SASH1: variants seen among roughly 807,000 people sequenced by gnomAD.
SASH1 encodes the protein SAM and SH3 domain-containing protein 1.
In SASH1, 44 loss-of-function variants were observed where a neutral mutation model predicts 125.2. The observed-to-expected ratio is 0.35, with a 90% CI of 0.28 to 0.45. The LOEUF is 0.45. SASH1 is among the 20% of genes least tolerant of loss of function. SASH1 has a pLI of 1.00. For synonymous variants in SASH1, 639 were observed against 649.1 expected, an observed-to-expected ratio of 0.98 and a Z score of 0.24; for missense variants, 1,426 against 1,614.5, an observed-to-expected ratio of 0.88 and a Z score of 2.00.
chr6:148,431,268 G>T (rs1488350455), intron 2 of SASH1, among the ~76,000 whole-genome samples: 1 of 151,662 alleles, frequency 6.6e-6, no homozygotes, highest in Non-Finnish European at 1.5e-5. Flanking sequence ...GCACGATCTC[G>T]GCTCACTGCA....
intron 7 of SASH1, among the ~76,000 whole-genome samples, chr6:148,477,630 A>AT (rs1778422720): frequency 1.3e-5 from 2 of 150,556 alleles, no homozygotes; most frequent in South Asian, 4.2e-4. Context: ...GGTTCAAGTG[A>AT]TTCTCCTGCA....
At chr6:148,424,326 A>G (rs1192959356) in intron 2 of SASH1, among the ~76,000 whole-genome samples, 1 of 151,600 alleles carries the variant, frequency 6.6e-6, no homozygotes, top group African/African-American at 2.4e-5. Context: ...TGTGGGTTCA[A>G]GTGATTCTCC....
rs1190560905 is a variant in SASH1, at chr6:148,543,771, A to C, written c.2301A>C (p.Pro767=). The C allele has an allele frequency of 6.2e-7, 1 of 1,613,496 alleles. No homozygotes were observed. Among genetic ancestry groups the C allele is most frequent in the Admixed American group, 1.7e-5 (1 of 59,978 alleles). ...GCAGAAACCAGTTGGGCAATTACCC[A>C]ACATTGCCTTTAATGAAATCAGGGG... ...SFSRNQLGNY[P]TLPLMKSGDA... is the part of the protein sequence containing the mutation. The change falls in exon 18 of 20, where the codon CCA becomes CCC. Residue 767 remains proline, a synonymous_variant. Transcript: ENST00000367467.
Position 148,440,915 on chromosome 6 carries a change from T to C in SASH1, c.386+508T>C, listed in dbSNP as rs561653303. On this transcript the variant is annotated intron_variant, in intron 4 of 19. Transcript: ENST00000367467. ...AGCGTTTCCTGTTAAAGGTAATATT[T>C]TTGCTTCCTTGACCCAACTTGGACC... Among the ~76,000 whole-genome samples, 95 of 152,336 alleles carry C rather than the reference T, an allele frequency of 6.2e-4. 2 individuals carry two copies. The South Asian group carries it at 0.012, about 19-fold the overall frequency.
intron 1 of SASH1, among the ~76,000 whole-genome samples, chr6:148,301,866 G>A (rs1253872645): frequency 1.3e-5 from 2 of 150,750 alleles, no homozygotes; most frequent in South Asian, 4.2e-4. Flanking sequence ...CAAAGTGCTG[G>A]GATTACAGGC....
In SASH1 at chr6:148,548,841, C is replaced by T. The variant is rs779041696; in HGVS notation, c.*283C>T. 34 of 330,110 alleles carry T rather than the reference C, an allele frequency of 1.0e-4. No homozygotes were observed. Among genetic ancestry groups the T allele is most frequent in the East Asian group, 3.4e-4 (6 of 17,606 alleles). 20.4% of individuals were successfully genotyped at this position (330,110 alleles called of 1,614,324 possible). A position where few individuals can be genotyped will look rare whatever the true frequency, so the allele number is the denominator to read the frequency against. On this transcript the variant is annotated 3_prime_UTR_variant, in exon 20 of 20. Coordinates refer to ENST00000367467, the MANE Select transcript of SASH1 (RefSeq NM_015278.5). Reference sequence around the variant, plus strand: ...AAAGAACCAAGATGCCAACTGGCTGCGAATGCTCTATCTCCAGTCTGTCTC... The same window carrying T: ...AAAGAACCAAGATGCCAACTGGCTGTGAATGCTCTATCTCCAGTCTGTCTC...
At chr6:148,258,652 A>G in the SASH1 span, among the ~76,000 whole-genome samples, 1 of 152,214 alleles carries the variant, frequency 6.6e-6, no homozygotes, top group Non-Finnish European at 1.5e-5. Flanking sequence ...AGGCACACGT[A>G]CAAAGAATGG....
In SASH1 at chr6:148,423,064, G is replaced by A. The variant is rs181756414; in HGVS notation, c.286-17120G>A. On this transcript the variant is annotated intron_variant, in intron 2 of 19. Transcript: ENST00000367467. ...AGCGATTCTCCTGCCTCAGCCTCCC[G>A]AGTAGCTGGGACTACAGGCGCACGC... Among the ~76,000 whole-genome samples the A allele has an allele frequency of 4.4e-3, 671 of 152,070 alleles. 6 individuals are homozygous for A. The highest frequency in any genetic ancestry group is 7.4e-3 in the Non-Finnish European group (504 of 67,984).
intron 9 of SASH1, among the ~76,000 whole-genome samples, chr6:148,515,839 A>G (rs1005509121): frequency 6.6e-6 from 1 of 152,176 alleles, no homozygotes; most frequent in Non-Finnish European, 1.5e-5. Context: ...AACAAATCTC[A>G]TGAACACTCG....
intron 18 of SASH1, among the ~76,000 whole-genome samples, chr6:148,545,733 C>T (rs992123189): frequency 2.0e-5 from 3 of 152,176 alleles, no homozygotes; most frequent in African/African-American, 4.8e-5. Flanking sequence ...AAAAGTATTC[C>T]CTCTAAAGCA....
chr6:148,514,014 T>G, intron 8 of SASH1: 1 of 1,034,788 alleles, frequency 9.7e-7, no homozygotes, highest in Non-Finnish European at 1.2e-6. Context: ...GGAGGGAGAG[T>G]CCTGCTGGAG....
At chr6:148,327,818 A>G (rs1187869301) in intron 1 of SASH1, among the ~76,000 whole-genome samples, 2 of 151,070 alleles carry the variant, frequency 1.3e-5, no homozygotes, top group Non-Finnish European at 3.0e-5. Flanking sequence ...GCACATGCCT[A>G]TAATCCCAGC....
At chr6:148,359,932 G>A (rs1782124282) in intron 1 of SASH1, among the ~76,000 whole-genome samples, 1 of 152,066 alleles carries the variant, frequency 6.6e-6, no homozygotes, top group African/African-American at 2.4e-5. Context: ...CTAATTTTTT[G>A]TATTTTTAGT....
At chr6:148,198,143 C>A in the SASH1 span, among the ~76,000 whole-genome samples, 1 of 152,158 alleles carries the variant, frequency 6.6e-6, no homozygotes, top group Non-Finnish European at 1.5e-5. Context: ...AGCTGCCGTG[C>A]CTGTCTGATG....
At chr6:148,442,032 C>T (rs1172922966) in intron 4 of SASH1, among the ~76,000 whole-genome samples, 1 of 152,218 alleles carries the variant, frequency 6.6e-6, no homozygotes, top group Non-Finnish European at 1.5e-5. Context: ...CTTTATTTCT[C>T]TGTTAATGGC....
At chr6:148,399,353 G>C (rs1464733887) in intron 2 of SASH1, among the ~76,000 whole-genome samples, 1 of 150,640 alleles carries the variant, frequency 6.6e-6, no homozygotes, top group Non-Finnish European at 1.5e-5. Context: ...AAGTTCTCAA[G>C]TAGTTGGGAT....
In SASH1 at chr6:148,409,504, A is replaced by G. The variant is rs918800404; in HGVS notation, c.285+19242A>G. On this transcript the variant is annotated intron_variant, in intron 2 of 19. Transcript: ENST00000367467. ...CTTCTACCAGTACCACCTCAGGGCT[A>G]TGTAAGAAATTTCTTACCTTAGTGA... is the stretch of plus-strand genomic sequence containing the variant. Among the ~76,000 whole-genome samples, 8 of 152,342 alleles carry G rather than the reference A, an allele frequency of 5.3e-5. No homozygotes were observed. The East Asian group carries it at 9.6e-4, about 18-fold the overall frequency.
the SASH1 span, among the ~76,000 whole-genome samples, chr6:148,226,426 T>C: frequency 6.6e-6 from 1 of 152,146 alleles, no homozygotes; most frequent in Non-Finnish European, 1.5e-5. Context: ...TACATACACA[T>C]TTAATCGTTC....
chr6:148,449,407 G>GA, intron 4 of SASH1, among the ~76,000 whole-genome samples: 1 of 137,468 alleles, frequency 7.3e-6, no homozygotes, highest in East Asian at 2.2e-4. Flanking sequence ...TTTTTTCTGA[G>GA]ACGTAGTTTC....
Sources: allele counts gnomAD v4.1 joint callset (sites outside exome capture counted in the v4.1 genomes callset), GRCh38; gene constraint gnomAD v4.1.1; transcripts MANE v1.5; gene names NCBI Gene and HGNC (gene_info 2026-07-23, HGNC 2026-07-21).